Variants in CSMD1 observed in about 807,000 individuals in gnomAD.
CSMD1 encodes the protein CUB and Sushi multiple domains 1.
In CSMD1, 213 loss-of-function variants were observed where a neutral mutation model predicts 417.5. That is an observed-to-expected ratio of 0.51 (90% CI 0.46 to 0.57). CSMD1 has a LOEUF of 0.57. Among genes scored for constraint, CSMD1 ranks in the 20% least tolerant of loss-of-function variants. The pLI is 0.00. For missense variants in CSMD1, 6,923 were observed against 4,529.7 expected, an observed-to-expected ratio of 1.53 and a Z score of -15.17; for synonymous variants, 2,862 against 1,736.8, an observed-to-expected ratio of 1.65 and a Z score of -16.11.
At position 3,222,422 on chromosome 8, in the gene CSMD1, G is replaced by A. The variant is rs555292162; in HGVS notation, c.4484+1307C>T. On this transcript the variant is annotated intron_variant, in intron 28 of 69. Transcript: ENST00000635120. ...CCTCCTGGGCTCCAACAGTCCTCCT[G>A]CCTCAGCCTCTCGAGTAGCTAGAAC... Among the ~76,000 whole-genome samples the A allele has an allele frequency of 2.6e-5, 4 of 152,052 alleles. No individual in the cohort carries two copies. In the South Asian group the frequency reaches 8.3e-4, roughly 32 times the overall value.
At chr8:4,583,539 G>C (rs1244006619) in intron 2 of CSMD1, among the ~76,000 whole-genome samples, 1 of 151,902 alleles carries the variant, frequency 6.6e-6, no homozygotes. Flanking sequence ...CTTGCTCAAG[G>C]TTTGTAAACA....
chr8:4,902,443 A>AC (rs1441990622), intron 1 of CSMD1, among the ~76,000 whole-genome samples: 1 of 151,928 alleles, frequency 6.6e-6, no homozygotes, highest in Non-Finnish European at 1.5e-5. Context: ...AGAAAAAAAA[A>AC]AAAGAAAGGA....
chr8:4,136,955 T>C (rs568663750), intron 3 of CSMD1, among the ~76,000 whole-genome samples: 5 of 152,290 alleles, frequency 3.3e-5, no homozygotes, highest in Middle Eastern at 3.4e-3. Flanking sequence ...TCAAAACCAA[T>C]ATTCAGCCTA....
chr8:4,932,135 G>C (rs528841196), intron 1 of CSMD1, among the ~76,000 whole-genome samples: 8 of 152,108 alleles, frequency 5.3e-5, no homozygotes, highest in African/African-American at 1.7e-4. Context: ...TCACATTTCT[G>C]TTGCTTCTAG....
At chr8:4,087,757 T>C (rs569538590) in intron 3 of CSMD1, among the ~76,000 whole-genome samples, 20 of 152,310 alleles carry the variant, frequency 1.3e-4, no homozygotes, top group African/African-American at 4.8e-4. Context: ...GTTCTCTTAA[T>C]CTTCTTTCTA....
At position 2,955,723 on chromosome 8, in the gene CSMD1, C is replaced by G. The variant is rs1255291067; in HGVS notation, c.9860G>C (p.Arg3287Thr). ...GCCGAAAGTAGGAAGATCGATGGCT[C>G]TCACATCCGCGTGTGCCGGGGTTTC... is the stretch of plus-strand genomic sequence containing the variant. Reference protein sequence around the residue: ...QPETPAHADVRAIDLPTFGYT... With the variant: ...QPETPAHADVTAIDLPTFGYT... The change falls in exon 64 of 70, where the codon AGA becomes ACA. Residue 3287 changes from arginine (R) to threonine (T), a missense_variant. Transcript: ENST00000635120. 2 of 1,613,754 alleles carry G rather than the reference C, an allele frequency of 1.2e-6. No individual in the cohort carries two copies. Among genetic ancestry groups the G allele is most frequent in the African/African-American group, 2.7e-5 (2 of 74,906 alleles).
intron 3 of CSMD1, among the ~76,000 whole-genome samples, chr8:4,246,099 T>C (rs1395597371): frequency 6.6e-6 from 1 of 152,008 alleles, no homozygotes; most frequent in Non-Finnish European, 1.5e-5. Flanking sequence ...GTCATGGGAG[T>C]TTGTTGTACA....
At chr8:4,240,008 G>C (rs1390816916) in intron 3 of CSMD1, among the ~76,000 whole-genome samples, 1 of 152,160 alleles carries the variant, frequency 6.6e-6, no homozygotes, top group Admixed American at 6.5e-5. Flanking sequence ...GGCGTGTTCT[G>C]TGTTTTCAAG....
At chr8:4,207,573 G>A (rs879637025) in intron 3 of CSMD1, among the ~76,000 whole-genome samples, 1 of 152,094 alleles carries the variant, frequency 6.6e-6, no homozygotes, top group Non-Finnish European at 1.5e-5. Context: ...GAAAATGAAT[G>A]AAACTGAAAT....
At chr8:4,992,690 C>A (rs1190664397) in intron 1 of CSMD1, among the ~76,000 whole-genome samples, 23 of 152,232 alleles carry the variant, frequency 1.5e-4, no homozygotes, top group Non-Finnish European at 1.5e-5. Flanking sequence ...CCAGTGCTGA[C>A]CAGAGGCCGC....
At chr8:3,189,219 T>C (rs754295785) in intron 34 of CSMD1, among the ~76,000 whole-genome samples, 37 of 152,380 alleles carry the variant, frequency 2.4e-4, no homozygotes, top group East Asian at 7.7e-4. Context: ...TACTCAGTTA[T>C]AGATCTTGAG....
intron 52 of CSMD1, among the ~76,000 whole-genome samples, chr8:3,017,291 T>G (rs1257788275): frequency 1.3e-5 from 2 of 151,936 alleles, no homozygotes; most frequent in Non-Finnish European, 2.9e-5. Flanking sequence ...TAAAGGAGAG[T>G]GCTGTTCCAT....
chr8:4,627,181 T>C (rs1167014095), intron 2 of CSMD1, among the ~76,000 whole-genome samples: 3 of 152,184 alleles, frequency 2.0e-5, no homozygotes, highest in Non-Finnish European at 2.9e-5. Flanking sequence ...TCTGAATGTT[T>C]AGCTACTCTT....
chr8:4,077,309 A>ATATGTATATATATATACG (rs1222642418), intron 3 of CSMD1, among the ~76,000 whole-genome samples: 4 of 145,580 alleles, frequency 2.7e-5, no homozygotes, highest in African/African-American at 1.0e-4. Flanking sequence ...ATATATATAT[A>ATATGTATATATATATACG]TATATATATA....
intron 5 of CSMD1, among the ~76,000 whole-genome samples, chr8:3,926,902 G>A (rs909790714): frequency 6.6e-6 from 1 of 151,508 alleles, no homozygotes; most frequent in Non-Finnish European, 1.5e-5. Flanking sequence ...TTTTAGTAGA[G>A]AAAGGGTTTC....
chr8:3,070,186 A>C (rs1424830623), intron 49 of CSMD1, among the ~76,000 whole-genome samples: 1 of 152,214 alleles, frequency 6.6e-6, no homozygotes, highest in Non-Finnish European at 1.5e-5. Context: ...AAGGTCTCTG[A>C]AATACCTTCA....
chr8:3,023,846 T>C lies in CSMD1; in HGVS notation c.7856-5196A>G, dbSNP rs1323026573. On this transcript the variant is annotated intron_variant, in intron 51 of 69. Coordinates refer to ENST00000635120, the MANE Select transcript of CSMD1 (RefSeq NM_033225.6). The stretch of plus-strand genomic sequence containing the variant: ...AGCAGGGCCACTCTAAAATGAACAC[T>C]GGGGAGTCAAAAAAAAAAAAAAAAG... Among the ~76,000 whole-genome samples, 3 of 139,066 alleles carry C rather than the reference T, an allele frequency of 2.2e-5. No individual in the cohort carries two copies. The East Asian group carries it at 6.2e-4, about 29-fold the overall frequency. 91.2% of individuals were successfully genotyped at this position (139,066 alleles called of 152,430 possible).
At chr8:4,435,868 G>C (rs554672831) in intron 2 of CSMD1, among the ~76,000 whole-genome samples, 1 of 152,218 alleles carries the variant, frequency 6.6e-6, no homozygotes, top group Non-Finnish European at 1.5e-5. Flanking sequence ...TATTAGGACT[G>C]TGTGACCCTG....
At position 3,111,917 on chromosome 8, in the gene CSMD1, C is replaced by T. The variant is rs146621036; in HGVS notation, c.6431-1582G>A. ...CTCCTGTTGGCAGTGCACTTTTCCT[C>T]CCCTCCAGACGTCGAGGGAGTGTTC... On this transcript the variant is annotated intron_variant, in intron 42 of 69. Transcript: ENST00000635120. Among the ~76,000 whole-genome samples, 11 of 152,230 alleles carry T rather than the reference C, an allele frequency of 7.2e-5. No individual in the cohort carries two copies. The East Asian group carries it at 2.1e-3, about 30-fold the overall frequency.
Sources: gnomAD v4.1 joint callset for allele counts (sites outside exome capture counted in the v4.1 genomes callset) on GRCh38, gnomAD v4.1.1 for gene constraint, MANE v1.5 for transcripts, NCBI Gene and HGNC (gene_info 2026-07-23, HGNC 2026-07-21) for gene names.